FAM53B: variants seen among roughly 807,000 people sequenced by gnomAD.
FAM53B encodes the protein protein FAM53B.
In FAM53B, 12 loss-of-function variants were observed where a neutral mutation model predicts 32.7. That is an observed-to-expected ratio of 0.37 (90% CI 0.24 to 0.59). The LOEUF is 0.59. Ranked by LOEUF, FAM53B falls within the 20% of genes least tolerant of loss-of-function variation. FAM53B has a pLI of 0.72. For synonymous variants in FAM53B, 234 were observed against 228.7 expected (o/e 1.02, Z -0.21); for missense variants, 477 against 577.7 (o/e 0.83, Z 1.79).
At chr10:124,697,749 G>A (rs551323234) in intron 2 of FAM53B, among the ~76,000 whole-genome samples, 5 of 152,234 alleles carry the variant, frequency 3.3e-5, no homozygotes, top group Middle Eastern at 3.4e-3. Context: ...CTTCTAGGGC[G>A]GAAGGGGAAC....
chr10:124,628,205 G>A (rs917826399), intron 4 of FAM53B, among the ~76,000 whole-genome samples: 1 of 152,186 alleles, frequency 6.6e-6, no homozygotes, highest in Admixed American at 6.5e-5. Context: ...GGCAAGGCCT[G>A]GGGAGTGGAG....
chr10:124,625,535 C>T (rs540512375), intron 4 of FAM53B, among the ~76,000 whole-genome samples: 5 of 152,322 alleles, frequency 3.3e-5, no homozygotes, highest in African/African-American at 1.2e-4. Flanking sequence ...CCAGGTTCCT[C>T]ACCGGCTCCT....
At chr10:124,655,580 G>A (rs866819789) in intron 4 of FAM53B, among the ~76,000 whole-genome samples, 1 of 152,114 alleles carries the variant, frequency 6.6e-6, no homozygotes, top group South Asian at 2.1e-4. Flanking sequence ...TCCAGGTAAC[G>A]CCCACTGTCA....
intron 2 of FAM53B, among the ~76,000 whole-genome samples, chr10:124,699,604 C>T (rs574889106): frequency 1.1e-4 from 17 of 152,390 alleles, no homozygotes; most frequent in Admixed American, 1.0e-3. Flanking sequence ...GATGAAACCG[C>T]GCAGCCCAGT....
At chr10:124,626,878 G>A (rs983715840) in intron 4 of FAM53B, among the ~76,000 whole-genome samples, 2 of 152,208 alleles carry the variant, frequency 1.3e-5, no homozygotes, top group Admixed American at 6.5e-5. Context: ...CTGGGCTGCA[G>A]CCAGCCTGCC....
At chr10:124,708,077 A>T (rs1949973813) in intron 1 of FAM53B, 1 of 152,242 alleles carries the variant, frequency 6.6e-6, no homozygotes, top group African/African-American at 2.4e-5. Flanking sequence ...CACAGATACA[A>T]GGAACCTGAA....
At chr10:124,670,485 G>A (rs2134062305) in intron 4 of FAM53B, among the ~76,000 whole-genome samples, 1 of 152,194 alleles carries the variant, frequency 6.6e-6, no homozygotes, top group Non-Finnish European at 1.5e-5. Flanking sequence ...TGATGGCCCT[G>A]CCGACATCTC....
intron 4 of FAM53B, among the ~76,000 whole-genome samples, chr10:124,644,649 G>A (rs1230639271): frequency 1.3e-5 from 2 of 152,222 alleles, no homozygotes; most frequent in Non-Finnish European, 2.9e-5. Context: ...GGAGGCCTGA[G>A]AGGTGACCTT....
chr10:124,685,700 C>G (rs937265162), intron 3 of FAM53B, among the ~76,000 whole-genome samples: 6 of 152,208 alleles, frequency 3.9e-5, no homozygotes. Context: ...GGAATCTTCC[C>G]CATCTCTAGG....
chr10:124,736,298 G>C (rs1206540754), intron 1 of FAM53B, among the ~76,000 whole-genome samples: 2 of 152,274 alleles, frequency 1.3e-5, no homozygotes, highest in Non-Finnish European at 2.9e-5. Context: ...TGAATCGTTT[G>C]ACTGCCAAAG....
intron 1 of FAM53B, among the ~76,000 whole-genome samples, chr10:124,715,878 A>G (rs1053152965): frequency 2.6e-5 from 4 of 152,154 alleles, no homozygotes; most frequent in Non-Finnish European, 5.9e-5. Context: ...CCCTAGAAAC[A>G]CTGAAATCCC....
chr10:124,635,131 C>T (rs61870501), intron 4 of FAM53B, among the ~76,000 whole-genome samples: 34,751 of 152,098 alleles, frequency 0.23, 5,056 homozygotes, highest in Middle Eastern at 0.35. Context: ...CTTGCTCTGT[C>T]ACCCAGGCTG....
At chr10:124,737,487 T>C (rs1028663503) in intron 1 of FAM53B, among the ~76,000 whole-genome samples, 1 of 152,148 alleles carries the variant, frequency 6.6e-6, no homozygotes, top group East Asian at 1.9e-4. Context: ...CAGGCTGTCT[T>C]GCAAGCAGGA....
At chr10:124,700,379 G>A (rs1002699768) in intron 2 of FAM53B, among the ~76,000 whole-genome samples, 5 of 149,130 alleles carry the variant, frequency 3.4e-5, no homozygotes, top group Non-Finnish European at 6.1e-5. Flanking sequence ...CCACCAGGCC[G>A]AGGGAACCCC....
At position 124,744,349 on chromosome 10, in the gene FAM53B, T is replaced by A. The variant is rs910290513; in HGVS notation, c.-511A>T. The A allele has an allele frequency of 5.5e-5, 8 of 146,186 alleles. No homozygotes were observed. The South Asian group carries it at 7.5e-4, about 14-fold the overall frequency. 9.1% of individuals were successfully genotyped at this position (146,186 alleles called of 1,614,324 possible). On this transcript the variant is annotated 5_prime_UTR_variant, in exon 1 of 5. Coordinates refer to ENST00000337318, the MANE Select transcript of FAM53B (RefSeq NM_014661.4). The stretch of plus-strand genomic sequence containing the variant: ...GGCGGCGTGCAGGAGGCAGGCGGCG[T>A]GCGGCGGCGGCGGCAGGCGAGTGTG...
intron 4 of FAM53B, among the ~76,000 whole-genome samples, chr10:124,632,172 G>C (rs1949395693): frequency 1.3e-5 from 2 of 152,252 alleles, no homozygotes; most frequent in Admixed American, 1.3e-4. Context: ...GCCACACGGT[G>C]GCGACGTTTC....
At chr10:124,728,276 C>T (rs1380459007) in intron 1 of FAM53B, among the ~76,000 whole-genome samples, 1 of 152,200 alleles carries the variant, frequency 6.6e-6, no homozygotes, top group Non-Finnish European at 1.5e-5. Context: ...CCTGCCTTCC[C>T]ACCCATGGAC....
Position 124,623,159 on chromosome 10 carries a change from C to A in FAM53B, c.*83G>T, listed in dbSNP as rs1043538327. 1.4e-6 allele frequency: 2 copies of A among 1,480,148 alleles called. No individual in the cohort carries two copies. The highest frequency in any genetic ancestry group is 1.8e-6 in the Non-Finnish European group (2 of 1,108,790). 91.7% of individuals were successfully genotyped at this position (1,480,148 alleles called of 1,614,324 possible). On this transcript the variant is annotated 3_prime_UTR_variant, in exon 5 of 5. Coordinates refer to ENST00000337318, the MANE Select transcript of FAM53B (RefSeq NM_014661.4). ...GCTTTCATCAGGCCCACGAGTTGGG[C>A]TCCCCTTCAAGGGCCCACCTAGTGC...
intron 4 of FAM53B, among the ~76,000 whole-genome samples, chr10:124,662,303 T>C (rs1949636633): frequency 6.6e-6 from 1 of 152,252 alleles, no homozygotes; most frequent in Non-Finnish European, 1.5e-5. Flanking sequence ...CCTGCCACAC[T>C]GTCCCCAGTA....
Sources: gnomAD v4.1 joint callset for allele counts (sites outside exome capture counted in the v4.1 genomes callset) on GRCh38, gnomAD v4.1.1 for gene constraint, MANE v1.5 for transcripts, NCBI Gene and HGNC (gene_info 2026-07-23, HGNC 2026-07-21) for gene names.